Variants in CNTLN observed in about 807,000 individuals in gnomAD.
CNTLN encodes centlein, also known as centlein, centrosomal protein.
Under a neutral mutation model 180.0 loss-of-function variants are expected in CNTLN, and 212 were observed. The observed-to-expected ratio is 1.18, with a 90% CI of 1.05 to 1.32. The LOEUF (loss-of-function observed/expected upper bound fraction) is 1.32. Ranked by LOEUF, CNTLN falls within the 40% of genes most tolerant of loss-of-function variation. The pLI, the probability that CNTLN is intolerant of heterozygous loss-of-function variation, is 0.00. For synonymous variants in CNTLN, 722 were observed against 563.1 expected (o/e 1.28, Z -3.99); for missense variants, 2,095 against 1,610.9 (o/e 1.30, Z -5.14).
At position 17,290,578 on chromosome 9, in the gene CNTLN, C is replaced by G. The variant is rs568765778; in HGVS notation, c.984-7612C>G. On this transcript the variant is annotated intron_variant, in intron 6 of 25. Coordinates refer to ENST00000380647, the MANE Select transcript of CNTLN (RefSeq NM_017738.4). The stretch of plus-strand genomic sequence containing the variant: ...GGCTGCTTTGTTTACCTAAGGAAGC[C>G]TGGGCAATGGCGGGCGCCCCTCCCC... Among the ~76,000 whole-genome samples, 8 of 140,508 alleles carry G rather than the reference C, an allele frequency of 5.7e-5. 1 individual carries two copies. In the East Asian group the frequency reaches 1.4e-3, roughly 24 times the overall value. 92.2% of individuals were successfully genotyped at this position (140,508 alleles called of 152,430 possible).
intron 5 of CNTLN, among the ~76,000 whole-genome samples, chr9:17,245,893 A>G (rs1587318207): frequency 6.6e-6 from 1 of 152,000 alleles, no homozygotes; most frequent in East Asian, 1.9e-4. Flanking sequence ...ATTCTTTTTA[A>G]TAACTTCAAT....
intron 18 of CNTLN, among the ~76,000 whole-genome samples, chr9:17,444,042 T>C (rs1304364515): frequency 6.6e-6 from 1 of 152,194 alleles, no homozygotes; most frequent in East Asian, 1.9e-4. Context: ...ACTGTCTTGA[T>C]AGCAAGTGAT....
At chr9:17,356,063 C>CAAAAAAA (rs71492915) in intron 12 of CNTLN, among the ~76,000 whole-genome samples, 2 of 19,592 alleles carry the variant, frequency 1.0e-4, no homozygotes, top group Admixed American at 4.6e-4. Context: ...GACTCCATCT[C>CAAAAAAA]AAAAAAAAAA....
intron 2 of CNTLN, among the ~76,000 whole-genome samples, chr9:17,144,091 C>T (rs1818285852): frequency 6.6e-6 from 1 of 152,156 alleles, no homozygotes. Flanking sequence ...AAATTGGAAT[C>T]ATGATCCTAA....
intron 20 of CNTLN, 100 bp downstream of exon 20, chr9:17,463,113 T>G (rs1831546550): frequency 1.5e-6 from 1 of 648,672 alleles, no homozygotes; most frequent in Admixed American, 3.2e-5. Context: ...TACGTTTTCC[T>G]TCCCTAGTTC....
intron 12 of CNTLN, among the ~76,000 whole-genome samples, chr9:17,358,737 T>C (rs1327931429): frequency 1.3e-5 from 2 of 152,310 alleles, no homozygotes; most frequent in South Asian, 2.1e-4. Flanking sequence ...AAAGGAATCT[T>C]GTATATGAGC....
intron 2 of CNTLN, among the ~76,000 whole-genome samples, chr9:17,216,494 C>T (rs111807150): frequency 0.026 from 3,965 of 151,858 alleles, 172 homozygotes; most frequent in African/African-American, 0.09. Context: ...TTTTATTGGC[C>T]GGTTTATTAA....
intron 13 of CNTLN, among the ~76,000 whole-genome samples, chr9:17,379,408 A>G (rs912284436): frequency 6.6e-6 from 1 of 152,048 alleles, no homozygotes; most frequent in East Asian, 1.9e-4. Flanking sequence ...TTGCCCTGCA[A>G]ACTCTAGCTC....
chr9:17,492,201 A>G (rs1347880590), intron 25 of CNTLN, among the ~76,000 whole-genome samples: 1 of 152,058 alleles, frequency 6.6e-6, no homozygotes, highest in East Asian at 1.9e-4. Context: ...AGTTAAAAGG[A>G]TCCTTTTAAT....
At chr9:17,308,263 C>G (rs1818871714) in intron 7 of CNTLN, among the ~76,000 whole-genome samples, 1 of 152,076 alleles carries the variant, frequency 6.6e-6, no homozygotes, top group Non-Finnish European at 1.5e-5. Flanking sequence ...ATTGCCTTGA[C>G]TTAAAAAGGT....
At chr9:17,471,343 T>G (rs1425990930) in intron 23 of CNTLN, among the ~76,000 whole-genome samples, 2 of 151,950 alleles carry the variant, frequency 1.3e-5, no homozygotes, top group African/African-American at 4.8e-5. Flanking sequence ...GAAAACTAAA[T>G]CTAATAAGGC....
intron 2 of CNTLN, among the ~76,000 whole-genome samples, chr9:17,225,443 T>A (rs2132078498): frequency 6.6e-6 from 1 of 152,170 alleles, no homozygotes; most frequent in Non-Finnish European, 1.5e-5. Flanking sequence ...GTTTAATTAT[T>A]TATGTTTTTC....
intron 2 of CNTLN, among the ~76,000 whole-genome samples, chr9:17,223,526 T>G (rs889117475): frequency 1.3e-5 from 2 of 152,032 alleles, no homozygotes; most frequent in Admixed American, 6.6e-5. Flanking sequence ...GGCAAAAGCT[T>G]GGGAGACATT....
chr9:17,391,465 TC>T (rs1431101230), intron 14 of CNTLN, among the ~76,000 whole-genome samples: 3 of 152,082 alleles, frequency 2.0e-5, no homozygotes. Flanking sequence ...CTGAGGCACT[TC>T]CAGTGACCTT....
At chr9:17,316,901 T>C (rs7848118) in intron 8 of CNTLN, among the ~76,000 whole-genome samples, 124,886 of 152,100 alleles carry the variant, frequency 0.82, 51,599 homozygotes, top group Non-Finnish European at 0.87. Context: ...CATAACATTG[T>C]TCCTGTGTAC....
intron 13 of CNTLN, among the ~76,000 whole-genome samples, chr9:17,384,299 A>AAC (rs1038087166): frequency 1.3e-5 from 2 of 151,696 alleles, no homozygotes; most frequent in Non-Finnish European, 2.9e-5. Flanking sequence ...TGAAAAAAAA[A>AAC]AAACTACTTA....
chr9:17,425,314 G>A (rs1829004427), intron 18 of CNTLN, among the ~76,000 whole-genome samples: 1 of 152,018 alleles, frequency 6.6e-6, no homozygotes, highest in Admixed American at 6.6e-5. Context: ...TGTGGTTAGT[G>A]TCCTAATAAT....
intron 25 of CNTLN, among the ~76,000 whole-genome samples, chr9:17,492,881 C>T (rs1833242290): frequency 2.0e-5 from 3 of 152,226 alleles, no homozygotes; most frequent in South Asian, 2.1e-4. Flanking sequence ...GTGGTTTATG[C>T]ATACAGTTTA....
rs1463004246 is a variant in CNTLN, at chr9:17,288,682, C to T, written c.984-9508C>T. 1.5e-5 allele frequency among the ~76,000 whole-genome samples: 2 copies of T among 137,494 alleles called. 1 individual carries two copies. Among genetic ancestry groups the T allele is most frequent in the African/African-American group, 6.1e-5 (2 of 32,900 alleles). 90.2% of individuals were successfully genotyped at this position (137,494 alleles called of 152,430 possible). On this transcript the variant is annotated intron_variant, in intron 6 of 25. Transcript: ENST00000380647. ...GTCACTCAGGACTTGCTTTATGAAT[C>T]TGGGTGTCCTGTATTGGGTGCATAT...
Sources: gnomAD v4.1 joint callset for allele counts (sites outside exome capture counted in the v4.1 genomes callset) on GRCh38, gnomAD v4.1.1 for gene constraint, MANE v1.5 for transcripts, NCBI Gene and HGNC (gene_info 2026-07-23, HGNC 2026-07-21) for gene names.